The following ANKRD62 variants were observed in gnomAD, a reference collection of about 807,000 sequenced individuals.
ANKRD62 encodes ankyrin repeat domain 62, also known as ankyrin repeat domain-containing protein 62.
In ANKRD62, 61 loss-of-function variants were observed where a neutral mutation model predicts 98.8. The ratio of observed to expected loss-of-function variants is 0.62; its 90% CI spans 0.50 to 0.76. ANKRD62 has a LOEUF of 0.76. Ranked by LOEUF, ANKRD62 falls within the 30% of genes least tolerant of loss-of-function variation. The pLI, the probability that ANKRD62 is intolerant of heterozygous loss-of-function variation, is 0.00. For synonymous variants in ANKRD62, 341 were observed against 367.9 expected (o/e 0.93, Z 0.84); for missense variants, 933 against 1,082.9 (o/e 0.86, Z 1.94).
the ANKRD62 span, among the ~76,000 whole-genome samples, chr18:12,172,029 A>G: frequency 6.6e-6 from 1 of 152,076 alleles, no homozygotes; most frequent in Non-Finnish European, 1.5e-5. Context: ...CTAGTTAGCC[A>G]TTCATCTAAT....
chr18:12,107,038 G>A (rs1255642999), intron 7 of ANKRD62, among the ~76,000 whole-genome samples: 1 of 152,034 alleles, frequency 6.6e-6, no homozygotes, highest in Non-Finnish European at 1.5e-5. Flanking sequence ...GGGAATAAAA[G>A]CACAAATTTG....
At chr18:12,103,069 A>C (rs1031070592) in intron 6 of ANKRD62, 89 bp from the exon 7 acceptor site, 25 of 940,798 alleles carry the variant, frequency 2.7e-5, no homozygotes, top group Non-Finnish European at 3.6e-5. Flanking sequence ...GAAGAAAAAT[A>C]TGTTATTTTC....
At position 12,103,654 on chromosome 18, in the gene ANKRD62, T is replaced by G. The variant is rs149665973; in HGVS notation, c.891+426T>G. Reference sequence around the variant, plus strand: ...GACTAATACCAAGATTAAAAATGTATTCTCCATTGTGATCTCTTACTAATT... The same window carrying G: ...GACTAATACCAAGATTAAAAATGTAGTCTCCATTGTGATCTCTTACTAATT... On this transcript the variant is annotated intron_variant, in intron 7 of 13. Coordinates refer to ENST00000587848, the MANE Select transcript of ANKRD62 (RefSeq NM_001277333.2). Among the ~76,000 whole-genome samples the G allele has an allele frequency of 2.0e-3, 298 of 152,222 alleles. 1 individual carries two copies. The highest frequency in any genetic ancestry group is 6.7e-3 in the African/African-American group (279 of 41,562).
chr18:12,170,107 G>A, the ANKRD62 span, among the ~76,000 whole-genome samples: 1 of 152,076 alleles, frequency 6.6e-6, no homozygotes. Context: ...TTTTTTGAAG[G>A]GTTTTTTGTA....
rs978471346 is a variant in ANKRD62 at position 12,093,931 on chromosome 18, G to T, written c.-87G>T. The T allele has an allele frequency of 7.5e-7, 1 of 1,326,192 alleles. No homozygotes were observed. Among genetic ancestry groups the T allele is most frequent in the African/African-American group, 1.5e-5 (1 of 68,816 alleles). 82.2% of individuals were successfully genotyped at this position (1,326,192 alleles called of 1,614,324 possible). On this transcript the variant is annotated 5_prime_UTR_variant, in exon 1 of 14. Transcript: ENST00000587848. ...CGGCTGGACCTGGTTACGTGCTGGT[G>T]CTGCGCTCCAGAGAGGCAGAAAACG...
At chr18:12,096,066 G>C (rs1909175399) in intron 3 of ANKRD62, 130 bp from the exon 4 acceptor site, 2 of 669,632 alleles carry the variant, frequency 3.0e-6, no homozygotes, top group Non-Finnish European at 5.0e-6. Flanking sequence ...AGTGGAGTGA[G>C]AAGGAAGGGA....
the ANKRD62 span, among the ~76,000 whole-genome samples, chr18:12,145,826 G>A: frequency 6.6e-6 from 1 of 151,830 alleles, no homozygotes; most frequent in Admixed American, 6.6e-5. Context: ...ACAAAAACTT[G>A]GCCAGGCTGC....
At position 12,126,369 on chromosome 18, in the gene ANKRD62, A is replaced by G; in HGVS notation, c.2548A>G (p.Lys850Glu). 1 of 1,507,350 alleles carries G rather than the reference A, an allele frequency of 6.6e-7. No individual in the cohort carries two copies. The highest frequency in any genetic ancestry group is 8.8e-7 in the Non-Finnish European group (1 of 1,136,560). 93.4% of individuals were successfully genotyped at this position (1,507,350 alleles called of 1,614,324 possible). A position where few individuals can be genotyped will look rare whatever the true frequency, so the allele number is the denominator to read the frequency against. The change falls in exon 13 of 14, where the codon AAA becomes GAA. Residue 850 changes from lysine to glutamate, a missense_variant. Lys to Glu is a moderately conservative substitution (Grantham distance 56). Transcript: ENST00000587848. ...AAGACAATGCCAATATGAAAAAGAGAAAGAAGAAAGAGAAGTAAGTATCAA... is the reference window on the plus strand; with the variant it reads ...AAGACAATGCCAATATGAAAAAGAGGAAGAAGAAAGAGAAGTAAGTATCAA... ...KERQCQYEKE[K>E]EEREVVRRQL...
At chr18:12,115,223 A>G (rs1030636925) in intron 9 of ANKRD62, 102 bp downstream of exon 9, 7 of 1,287,852 alleles carry the variant, frequency 5.4e-6, no homozygotes, top group African/African-American at 1.5e-5. Context: ...TGACTTTGAT[A>G]AAGCAGCGGT....
chr18:12,108,178 T>C (rs938220605), intron 8 of ANKRD62, among the ~76,000 whole-genome samples: 4 of 152,324 alleles, frequency 2.6e-5, no homozygotes, highest in East Asian at 1.9e-4. Context: ...TTTAAAGCAT[T>C]GGGTTTGATA....
chr18:12,156,771 A>T, the ANKRD62 span, among the ~76,000 whole-genome samples: 1 of 152,096 alleles, frequency 6.6e-6, no homozygotes, highest in African/African-American at 2.4e-5. Context: ...TTCATAAAAA[A>T]TATCCTATAT....
Position 12,125,864 on chromosome 18 carries a change from C to T in ANKRD62, c.2043C>T (p.Phe681=). The T allele has an allele frequency of 6.5e-7, 1 of 1,546,854 alleles. No individual in the cohort carries two copies. The highest frequency in any genetic ancestry group is 8.7e-7 in the Non-Finnish European group (1 of 1,147,362). Residue 681 remains phenylalanine (F), a synonymous_variant, in exon 13 of 14, where the codon TTC becomes TTT. Coordinates refer to ENST00000587848, the MANE Select transcript of ANKRD62 (RefSeq NM_001277333.2). ...CAAAAAGAGACCTACAGCTTGCTTTCCAGAGCACAGTGAATGAATGGTGTC... is the reference window on the plus strand; with the variant it reads ...CAAAAAGAGACCTACAGCTTGCTTTTCAGAGCACAGTGAATGAATGGTGTC... ...QSSKRDLQLA[F]QSTVNEWCHL... is the part of the protein sequence containing the mutation.
At chr18:12,159,461 G>A in the ANKRD62 span, among the ~76,000 whole-genome samples, 1 of 152,182 alleles carries the variant, frequency 6.6e-6, no homozygotes, top group Non-Finnish European at 1.5e-5. Flanking sequence ...TAGTTCCATA[G>A]TGGAGACCAA....
chr18:12,099,529 A>G, intron 5 of ANKRD62, 86 bp from the exon 6 acceptor site: 1 of 769,592 alleles, frequency 1.3e-6, no homozygotes, highest in East Asian at 3.0e-5. Flanking sequence ...ATTGTTTGAT[A>G]TACTCTTAAG....
chr18:12,103,639 A>G (rs920684677), intron 7 of ANKRD62, among the ~76,000 whole-genome samples: 2 of 152,120 alleles, frequency 1.3e-5, no homozygotes, highest in Non-Finnish European at 2.9e-5. Flanking sequence ...GACTAATACC[A>G]AGATTAAAAA....
At chr18:12,100,945 A>T (rs9945059) in intron 6 of ANKRD62, among the ~76,000 whole-genome samples, 43,767 of 151,988 alleles carry the variant, frequency 0.29, 7,264 homozygotes, top group Middle Eastern at 0.4. Flanking sequence ...CATTACCAGA[A>T]CAGACCGGGG....
At chr18:12,120,027 TATC>T (rs1909751471) in intron 10 of ANKRD62, among the ~76,000 whole-genome samples, 1 of 152,214 alleles carries the variant, frequency 6.6e-6, no homozygotes, top group Non-Finnish European at 1.5e-5. Context: ...TGGTTTCTAA[TATC>T]ATTGATTTGT....
chr18:12,134,741 A>C (rs1028045871), downstream of ANKRD62, among the ~76,000 whole-genome samples: 4 of 152,154 alleles, frequency 2.6e-5, no homozygotes, highest in African/African-American at 7.2e-5. Flanking sequence ...TCCATGGTGT[A>C]TATGTGCCAC....
At position 12,104,378 on chromosome 18, in the gene ANKRD62, A is replaced by G. The variant is rs1024820006; in HGVS notation, c.891+1150A>G. On this transcript the variant is annotated intron_variant, in intron 7 of 13. Coordinates refer to ENST00000587848, the MANE Select transcript of ANKRD62 (RefSeq NM_001277333.2). The stretch of plus-strand genomic sequence containing the variant: ...AAAGACAAAGTTATCCTTAAAACAT[A>G]TACCCTGACAGAAAAGACATCTGAC... 1.5e-4 allele frequency among the ~76,000 whole-genome samples: 23 copies of G among 152,140 alleles called. No individual in the cohort carries two copies. The East Asian group carries it at 2.1e-3, about 14-fold the overall frequency.
Sources: allele counts gnomAD v4.1 joint callset (sites outside exome capture counted in the v4.1 genomes callset), GRCh38; gene constraint gnomAD v4.1.1; transcripts MANE v1.5; gene names NCBI Gene and HGNC (gene_info 2026-07-23, HGNC 2026-07-21).